Variants in NCAM2 observed in about 807,000 individuals in gnomAD.
NCAM2 encodes neural cell adhesion molecule 2, also known as N-CAM-2.
A neutral mutation model predicts 98.1 loss-of-function variants in NCAM2; 30 were observed. That is an observed-to-expected ratio of 0.31 (90% CI 0.23 to 0.41). The LOEUF (loss-of-function observed/expected upper bound fraction) is 0.41, where lower values mean the gene tolerates loss of function less well. Ranked by LOEUF, NCAM2 falls within the 10% of genes least tolerant of loss-of-function variation. NCAM2 has a pLI of 1.00. For synonymous variants in NCAM2, 368 were observed against 342.4 expected (o/e 1.07, Z -0.83); for missense variants, 867 against 1,005.8 (o/e 0.86, Z 1.87).
intron 12 of NCAM2, among the ~76,000 whole-genome samples, chr21:21,447,743 C>T (rs1453821654): frequency 6.6e-6 from 1 of 152,036 alleles, no homozygotes; most frequent in Non-Finnish European, 1.5e-5. Flanking sequence ...AGAATATGAA[C>T]AGACACTTCC....
intron 5 of NCAM2, among the ~76,000 whole-genome samples, chr21:21,312,976 TGTG>T (rs1269812340): frequency 6.6e-6 from 1 of 151,868 alleles, no homozygotes; most frequent in Non-Finnish European, 1.5e-5. Context: ...TTTTCAAGGA[TGTG>T]GTTCGTATTT....
chr21:21,012,719 C>T (rs1366287893), intron 1 of NCAM2, among the ~76,000 whole-genome samples: 1 of 151,930 alleles, frequency 6.6e-6, no homozygotes, highest in Non-Finnish European at 1.5e-5. Flanking sequence ...TTTTTTACAA[C>T]TCGAATGTCT....
At chr21:21,198,194 G>A (rs1601622677) in intron 1 of NCAM2, among the ~76,000 whole-genome samples, 1 of 33,588 alleles carries the variant, frequency 3.0e-5, no homozygotes, top group Non-Finnish European at 6.3e-5. Flanking sequence ...ATGTGTGTGT[G>A]TGTGTGTGTG....
intron 1 of NCAM2, among the ~76,000 whole-genome samples, chr21:21,233,453 A>G (rs1452344923): frequency 6.6e-6 from 1 of 151,522 alleles, no homozygotes; most frequent in African/African-American, 2.4e-5. Context: ...CTTAGAAGCA[A>G]TAGAGTATTT....
At position 21,349,675 on chromosome 21, in the gene NCAM2, A is replaced by T. The variant is rs572547196; in HGVS notation, c.1044+11141A>T. Among the ~76,000 whole-genome samples, 8 of 152,280 alleles carry T rather than the reference A, an allele frequency of 5.3e-5. No individual in the cohort carries two copies. In the South Asian group the frequency reaches 1.7e-3, roughly 32 times the overall value. The stretch of plus-strand genomic sequence containing the variant: ...TTACAATAACTAAGATTTGGAAGCA[A>T]CCTAAGTGTCCATCAACAGATGAAA... On this transcript the variant is annotated intron_variant, in intron 8 of 17. Transcript: ENST00000400546.
chr21:21,489,496 A>T (rs1323586415), intron 15 of NCAM2, among the ~76,000 whole-genome samples: 5 of 151,872 alleles, frequency 3.3e-5, no homozygotes, highest in Non-Finnish European at 7.4e-5. Flanking sequence ...TTTGGCCATG[A>T]ATGAATGGAA....
At chr21:21,114,408 G>A (rs1213847135) in intron 1 of NCAM2, among the ~76,000 whole-genome samples, 2 of 152,196 alleles carry the variant, frequency 1.3e-5, no homozygotes, top group African/African-American at 4.8e-5. Context: ...GTAAATTGCA[G>A]TTGGTCTTGC....
intron 8 of NCAM2, among the ~76,000 whole-genome samples, chr21:21,351,556 A>G (rs2075340382): frequency 6.6e-6 from 1 of 152,212 alleles, no homozygotes; most frequent in African/African-American, 2.4e-5. Context: ...TAAGCAATAT[A>G]TTGTTTTTAT....
chr21:21,172,821 C>T (rs576899638), intron 1 of NCAM2, among the ~76,000 whole-genome samples: 4 of 152,242 alleles, frequency 2.6e-5, no homozygotes, highest in East Asian at 1.9e-4. Flanking sequence ...TTACGGACAT[C>T]TGTAGTCTCT....
At chr21:21,461,496 T>A (rs2146193365) in intron 12 of NCAM2, among the ~76,000 whole-genome samples, 1 of 151,956 alleles carries the variant, frequency 6.6e-6, no homozygotes, top group East Asian at 1.9e-4. Flanking sequence ...TGAACTGTGA[T>A]CTTAAAATAA....
chr21:21,088,551 A>G (rs999185091), intron 1 of NCAM2, among the ~76,000 whole-genome samples: 1 of 152,194 alleles, frequency 6.6e-6, no homozygotes. Flanking sequence ...TCCATGATCT[A>G]TAATGTTGCA....
intron 6 of NCAM2, among the ~76,000 whole-genome samples, chr21:21,326,792 A>G (rs541569382): frequency 6.6e-6 from 1 of 152,290 alleles, no homozygotes; most frequent in South Asian, 2.1e-4. Flanking sequence ...TATAAAATAT[A>G]TACTGGGAGG....
chr21:21,298,056 A>C (rs191701804), intron 5 of NCAM2, among the ~76,000 whole-genome samples: 3 of 151,776 alleles, frequency 2.0e-5, no homozygotes, highest in Non-Finnish European at 4.4e-5. Context: ...GTCTGAATGT[A>C]TAGTGCACTT....
At position 21,532,056 on chromosome 21, in the gene NCAM2, T is replaced by A. The variant is rs1439469601; in HGVS notation, c.2283-2481T>A. 2.6e-5 allele frequency among the ~76,000 whole-genome samples: 4 copies of A among 151,854 alleles called. No homozygotes were observed. In the East Asian group the frequency reaches 7.7e-4, roughly 29 times the overall value. ...GATAGGAGATTCGACATGTAAATTATGTGTGTTTCAAATATAGCCAACCAA... is the reference window on the plus strand; with the variant it reads ...GATAGGAGATTCGACATGTAAATTAAGTGTGTTTCAAATATAGCCAACCAA... On this transcript the variant is annotated intron_variant, in intron 16 of 17. Transcript: ENST00000400546.
intron 1 of NCAM2, among the ~76,000 whole-genome samples, chr21:21,035,661 A>G (rs9980936): frequency 0.96 from 145,665 of 152,054 alleles, 70,096 homozygotes; most frequent in East Asian, 1. Context: ...ATTCTTACCC[A>G]GCTCAATTAT....
chr21:21,170,156 G>C (rs1271905890), intron 1 of NCAM2, among the ~76,000 whole-genome samples: 1 of 152,168 alleles, frequency 6.6e-6, no homozygotes, highest in African/African-American at 2.4e-5. Flanking sequence ...TTGGTGGCGT[G>C]AATGGAAAAT....
At chr21:21,104,046 A>G (rs2066295501) in intron 1 of NCAM2, among the ~76,000 whole-genome samples, 1 of 152,148 alleles carries the variant, frequency 6.6e-6, no homozygotes, top group African/African-American at 2.4e-5. Flanking sequence ...GCTATAGGTC[A>G]AAAGTTGATT....
intron 1 of NCAM2, among the ~76,000 whole-genome samples, chr21:21,008,247 G>A (rs559659522): frequency 6.6e-5 from 10 of 152,004 alleles, no homozygotes; most frequent in African/African-American, 2.4e-4. Flanking sequence ...AATCTTGTTC[G>A]CTCTTTATCA....
chr21:21,343,549 G>A (rs940803371), intron 8 of NCAM2, among the ~76,000 whole-genome samples: 28 of 152,112 alleles, frequency 1.8e-4, no homozygotes, highest in African/African-American at 5.8e-4. Context: ...ACATGGTGTC[G>A]AGAGCTTCTC....
Sources: gnomAD v4.1 joint callset for allele counts (sites outside exome capture counted in the v4.1 genomes callset) on GRCh38, gnomAD v4.1.1 for gene constraint, MANE v1.5 for transcripts, NCBI Gene and HGNC (gene_info 2026-07-23, HGNC 2026-07-21) for gene names.